Variants in AGBL1 observed in about 807,000 individuals in gnomAD.
AGBL1 encodes cytosolic carboxypeptidase 4.
In AGBL1, 130 loss-of-function variants were observed where a neutral mutation model predicts 118.9. That is an observed-to-expected ratio of 1.09 (90% CI 0.95 to 1.26). The LOEUF (loss-of-function observed/expected upper bound fraction) is 1.26. Ranked by LOEUF, AGBL1 falls within the 50% of genes most tolerant of loss-of-function variation. The probability of loss-of-function intolerance (pLI) is 0.00; values close to 1 mark genes in which losing one functional copy is unlikely to be tolerated. For synonymous variants in AGBL1, 555 were observed against 478.9 expected (o/e 1.16, Z -2.08); for missense variants, 1,584 against 1,298.1 (o/e 1.22, Z -3.38).
intron 17 of AGBL1, among the ~76,000 whole-genome samples, chr15:86,367,868 A>C (rs1402088251): frequency 6.6e-6 from 1 of 152,218 alleles, no homozygotes; most frequent in Non-Finnish European, 1.5e-5. Flanking sequence ...TGAAATGTTG[A>C]GGAAGACTTA....
intron 18 of AGBL1, among the ~76,000 whole-genome samples, chr15:86,432,896 C>G (rs1224286407): frequency 6.6e-6 from 1 of 152,222 alleles, no homozygotes; most frequent in Non-Finnish European, 1.5e-5. Flanking sequence ...GCAGGTTGCA[C>G]TGACTGGAGT....
intron 22 of AGBL1, among the ~76,000 whole-genome samples, chr15:86,833,121 C>T (rs1333888423): frequency 6.6e-6 from 1 of 152,120 alleles, no homozygotes; most frequent in Non-Finnish European, 1.5e-5. Context: ...GATTCAATTG[C>T]TTCGCATTGG....
At position 86,845,786 on chromosome 15, in the gene AGBL1, A is replaced by G. The variant is rs140381179; in HGVS notation, c.3159-61301A>G. 8.7e-3 allele frequency among the ~76,000 whole-genome samples: 1,318 copies of G among 152,252 alleles called. 17 individuals carry two copies. The highest frequency in any genetic ancestry group is 0.03 in the African/African-American group (1,263 of 41,556). ...ATATATTTGTATTTTCTATTTCTTC[A>G]TGAATCCATTTTGGTAAATTGTGTT... is the stretch of plus-strand genomic sequence containing the variant. On this transcript the variant is annotated intron_variant, in intron 22 of 22. Transcript: ENST00000614907.
chr15:86,901,224 A>G (rs936880936), intron 22 of AGBL1, among the ~76,000 whole-genome samples: 6 of 152,178 alleles, frequency 3.9e-5, no homozygotes, highest in African/African-American at 1.4e-4. Context: ...TCATTTCTAA[A>G]AGATTTTTTT....
chr15:86,263,580 A>C (rs2079027453), intron 10 of AGBL1, among the ~76,000 whole-genome samples: 1 of 152,362 alleles, frequency 6.6e-6, no homozygotes, highest in East Asian at 1.9e-4. Flanking sequence ...CTCATGCCAA[A>C]GTGGGACCGT....
At chr15:86,943,019 A>G (rs906009466) in intron 23 of AGBL1, among the ~76,000 whole-genome samples, 1 of 152,190 alleles carries the variant, frequency 6.6e-6, no homozygotes. Flanking sequence ...TCCTTATTCA[A>G]TGCCACATAA....
intron 5 of AGBL1, among the ~76,000 whole-genome samples, chr15:86,187,722 T>C (rs2077655185): frequency 6.6e-6 from 1 of 152,200 alleles, no homozygotes; most frequent in South Asian, 2.1e-4. Flanking sequence ...CCAGATGATA[T>C]ACAGGTCACA....
At chr15:86,596,604 C>A (rs1166020388) in intron 21 of AGBL1, among the ~76,000 whole-genome samples, 1 of 151,630 alleles carries the variant, frequency 6.6e-6, no homozygotes, top group African/African-American at 2.4e-5. Context: ...TTTTTTTTTC[C>A]CCAGAGATAT....
chr15:86,152,307 G>A (rs1448484429), intron 3 of AGBL1, among the ~76,000 whole-genome samples: 1 of 152,100 alleles, frequency 6.6e-6, no homozygotes, highest in Admixed American at 6.6e-5. Flanking sequence ...CATGGTACTG[G>A]TACCAAAACA....
intron 1 of AGBL1, among the ~76,000 whole-genome samples, chr15:86,124,277 C>G (rs1898271054): frequency 6.9e-6 from 1 of 145,778 alleles, no homozygotes; most frequent in South Asian, 2.2e-4. Context: ...TTGCAGTGAG[C>G]TGAGATTGCA....
downstream of AGBL1, among the ~76,000 whole-genome samples, chr15:87,030,490 T>C (rs1390004875): frequency 1.3e-5 from 2 of 151,992 alleles, no homozygotes; most frequent in African/African-American, 2.4e-5. Flanking sequence ...TGCTTGACCA[T>C]AGATTGTATC....
chr15:87,015,598 A>T (rs1376342649), intron 24 of AGBL1, among the ~76,000 whole-genome samples: 1 of 152,184 alleles, frequency 6.6e-6, no homozygotes, highest in African/African-American at 2.4e-5. Flanking sequence ...TCTTGACTTC[A>T]GTTGAAAATG....
At chr15:86,780,588 T>C (rs1006919741) in intron 22 of AGBL1, among the ~76,000 whole-genome samples, 1 of 152,140 alleles carries the variant, frequency 6.6e-6, no homozygotes, top group African/African-American at 2.4e-5. Flanking sequence ...ATTTGGAATT[T>C]GACAACATAA....
intron 1 of AGBL1, among the ~76,000 whole-genome samples, chr15:86,082,109 C>T (rs952583209): frequency 6.6e-6 from 1 of 152,232 alleles, no homozygotes; most frequent in Non-Finnish European, 1.5e-5. Context: ...GCACCAAGTG[C>T]TTCCCTAAGC....
chr15:86,573,689 C>G (rs2084041912), intron 21 of AGBL1, among the ~76,000 whole-genome samples: 1 of 152,162 alleles, frequency 6.6e-6, no homozygotes, highest in African/African-American at 2.4e-5. Flanking sequence ...CATGATCCTC[C>G]TCCTTATTCC....
Position 86,712,364 on chromosome 15 carries a change from C to CTT in AGBL1, c.3158+37940_3158+37941dup, listed in dbSNP as rs11411325. Among the ~76,000 whole-genome samples the CTT allele has an allele frequency of 2.3e-3, 339 of 146,106 alleles. 1 individual carries two copies. Among genetic ancestry groups the CTT allele is most frequent in the African/African-American group, 7.5e-3 (299 of 39,852 alleles). On this transcript the variant is annotated intron_variant, in intron 22 of 22. Transcript: ENST00000614907. ...GAAGGGATTACAGAGACGATGTGTACTTTTTTTTTTTTTAATTTACCACTG... is the reference window on the plus strand; with the variant it reads ...GAAGGGATTACAGAGACGATGTGTACTTTTTTTTTTTTTTTAATTTACCACTG...
intron 18 of AGBL1, among the ~76,000 whole-genome samples, chr15:86,499,340 G>A (rs1434652078): frequency 3.3e-5 from 5 of 151,854 alleles, no homozygotes; most frequent in African/African-American, 4.8e-5. Context: ...GGGGATTCTG[G>A]CTAGGCTGGG....
intron 24 of AGBL1, among the ~76,000 whole-genome samples, chr15:87,004,879 G>A (rs942226332): frequency 2.6e-5 from 4 of 152,280 alleles, no homozygotes; most frequent in Admixed American, 2.0e-4. Flanking sequence ...CTCTTGTAGG[G>A]CAGGAGTGTT....
chr15:86,663,585 T>C lies in AGBL1; in HGVS notation c.2995-10688T>C, dbSNP rs983851800. Among the ~76,000 whole-genome samples, 4 of 152,206 alleles carry C rather than the reference T, an allele frequency of 2.6e-5. No homozygotes were observed. The East Asian group carries it at 7.7e-4, about 29-fold the overall frequency. On this transcript the variant is annotated intron_variant, in intron 21 of 22. Transcript: ENST00000614907. ...CAAAGGGGAGGGAGGCAGGCTGTTG[T>C]TGCACAATACTGGGCTTGTGCATGT...
Sources: allele counts gnomAD v4.1 joint callset (sites outside exome capture counted in the v4.1 genomes callset), GRCh38; gene constraint gnomAD v4.1.1; transcripts MANE v1.5; gene names NCBI Gene and HGNC (gene_info 2026-07-23, HGNC 2026-07-21).